Variants in SPSB4 observed in about 807,000 individuals in gnomAD.
The protein encoded by SPSB4 is SPRY domain-containing SOCS box protein 4.
In SPSB4, 21 loss-of-function variants were observed where a neutral mutation model predicts 20.9. That is an observed-to-expected ratio of 1.01 (90% CI 0.71 to 1.45). The LOEUF (loss-of-function observed/expected upper bound fraction) is 1.45. Among genes scored for constraint, SPSB4 ranks in the 40% most tolerant of loss-of-function variants. The probability of loss-of-function intolerance (pLI) is 0.00; values close to 1 mark genes in which losing one functional copy is unlikely to be tolerated. For missense variants in SPSB4, 399 were observed against 399.2 expected (o/e 1.00, Z 0.00); for synonymous variants, 207 against 183.8 (o/e 1.13, Z -1.02).
At chr3:141,089,184 G>GGT (rs1250731273) in intron 2 of SPSB4, among the ~76,000 whole-genome samples, 2 of 152,194 alleles carry the variant, frequency 1.3e-5, no homozygotes, top group Non-Finnish European at 2.9e-5. Context: ...TTAAGGAAGG[G>GGT]GTGTGTGTGA....
chr3:141,145,778 C>T (rs1463527728), intron 2 of SPSB4, among the ~76,000 whole-genome samples: 1 of 152,174 alleles, frequency 6.6e-6, no homozygotes, highest in African/African-American at 2.4e-5. Flanking sequence ...TTCCTTCCAG[C>T]TGATGCTAAC....
Position 141,112,462 on chromosome 3 carries a change from G to A in SPSB4, c.695-34680G>A, listed in dbSNP as rs373065236. On this transcript the variant is annotated intron_variant, in intron 2 of 2. Transcript: ENST00000310546. ...AGATCGAGACCATCCCGGCTAAAAC[G>A]GTGAAACCCCGTCTCTACTAAAAAT... is the stretch of plus-strand genomic sequence containing the variant. 1.1e-4 allele frequency among the ~76,000 whole-genome samples: 17 copies of A among 151,098 alleles called. No individual in the cohort carries two copies. The East Asian group carries it at 2.7e-3, about 24-fold the overall frequency.
At chr3:141,139,236 C>T (rs1277753431) in intron 2 of SPSB4, among the ~76,000 whole-genome samples, 19 of 152,154 alleles carry the variant, frequency 1.2e-4, no homozygotes, top group East Asian at 1.9e-4. Context: ...TGTCTCTGCA[C>T]GTGAGATGGG....
At chr3:141,064,177 G>T (rs1262881398) in intron 1 of SPSB4, among the ~76,000 whole-genome samples, 2 of 152,374 alleles carry the variant, frequency 1.3e-5, no homozygotes, top group Non-Finnish European at 1.5e-5. Flanking sequence ...GCCACCACAG[G>T]TGTCTTCTCT....
At chr3:141,098,222 C>T (rs546239346) in intron 2 of SPSB4, among the ~76,000 whole-genome samples, 1 of 152,226 alleles carries the variant, frequency 6.6e-6, no homozygotes, top group Non-Finnish European at 1.5e-5. Context: ...GGACCACTCC[C>T]ACCTTACTCC....
intron 2 of SPSB4, among the ~76,000 whole-genome samples, chr3:141,095,005 A>G (rs1365548713): frequency 1.3e-5 from 2 of 151,950 alleles, no homozygotes; most frequent in Admixed American, 1.3e-4. Context: ...CTCAGAGACC[A>G]CTAGGGATGC....
At chr3:141,116,585 T>G (rs1345845435) in intron 2 of SPSB4, among the ~76,000 whole-genome samples, 2 of 152,228 alleles carry the variant, frequency 1.3e-5, no homozygotes, top group Non-Finnish European at 2.9e-5. Flanking sequence ...CACTTAACTG[T>G]GACCTTGAGC....
intron 2 of SPSB4, among the ~76,000 whole-genome samples, chr3:141,080,095 C>T (rs554633842): frequency 2.6e-5 from 4 of 152,266 alleles, no homozygotes; most frequent in South Asian, 2.1e-4. Flanking sequence ...CAGGTCTCCC[C>T]GCTGCTAAAA....
chr3:141,146,946 G>A (rs969534733), intron 2 of SPSB4, among the ~76,000 whole-genome samples, 196 bp from the exon 3 acceptor site: 3 of 152,028 alleles, frequency 2.0e-5, no homozygotes, highest in Non-Finnish European at 2.9e-5. Flanking sequence ...AGTCTCACTG[G>A]TTGCATTCCA....
intron 2 of SPSB4, among the ~76,000 whole-genome samples, chr3:141,140,460 T>A (rs1228153799): frequency 2.0e-5 from 3 of 152,166 alleles, no homozygotes; most frequent in Non-Finnish European, 2.9e-5. Context: ...ATCTTTGTGG[T>A]TTTATCTATG....
At chr3:141,146,824 A>G (rs1208686534) in intron 2 of SPSB4, among the ~76,000 whole-genome samples, 1 of 151,640 alleles carries the variant, frequency 6.6e-6, no homozygotes, top group Non-Finnish European at 1.5e-5. Flanking sequence ...ACCAGAGACA[A>G]GGCTTTCATG....
intron 2 of SPSB4, chr3:141,132,239 C>G: frequency 2.4e-6 from 1 of 422,346 alleles, no homozygotes; most frequent in Non-Finnish European, 4.7e-6. Context: ...ACGATCTCGG[C>G]TCACTGCAAC....
At chr3:141,109,927 C>A (rs779548095) in intron 2 of SPSB4, among the ~76,000 whole-genome samples, 1 of 152,196 alleles carries the variant, frequency 6.6e-6, no homozygotes, top group Non-Finnish European at 1.5e-5. Flanking sequence ...TGGGTCTTAA[C>A]TCACGTCCTG....
chr3:141,090,756 T>A (rs1265824994), intron 2 of SPSB4, among the ~76,000 whole-genome samples: 1 of 152,150 alleles, frequency 6.6e-6, no homozygotes, highest in Admixed American at 6.5e-5. Flanking sequence ...GTGGCATGAT[T>A]TGCCTAGGTT....
intron 2 of SPSB4, among the ~76,000 whole-genome samples, chr3:141,133,280 A>G (rs1283194443): frequency 6.6e-6 from 1 of 152,146 alleles, no homozygotes; most frequent in Non-Finnish European, 1.5e-5. Context: ...TTTGCTGAGC[A>G]GAAACTTTTT....
intron 2 of SPSB4, among the ~76,000 whole-genome samples, chr3:141,094,101 C>T (rs143472679): frequency 1.2e-3 from 184 of 152,294 alleles, no homozygotes; most frequent in African/African-American, 4.1e-3. Context: ...CTACAGCAAG[C>T]GGTTTGCAGC....
intron 2 of SPSB4, among the ~76,000 whole-genome samples, chr3:141,094,765 C>T (rs1172252934): frequency 1.4e-5 from 2 of 139,012 alleles, no homozygotes; most frequent in East Asian, 2.2e-4. Context: ...GTGCCCTGCC[C>T]GCCCCCCGCC....
chr3:141,143,620 T>A (rs539267704), intron 2 of SPSB4, among the ~76,000 whole-genome samples: 6 of 152,316 alleles, frequency 3.9e-5, no homozygotes, highest in South Asian at 4.1e-4. Context: ...GATTGTAATA[T>A]GGACAGACTT....
intron 2 of SPSB4, among the ~76,000 whole-genome samples, chr3:141,128,567 C>T (rs916998232): frequency 3.3e-5 from 5 of 152,086 alleles, no homozygotes; most frequent in Admixed American, 3.3e-4. Flanking sequence ...GAGCACGCAG[C>T]CCCCAGAGAA....
Sources: allele counts gnomAD v4.1 joint callset (sites outside exome capture counted in the v4.1 genomes callset), GRCh38; gene constraint gnomAD v4.1.1; transcripts MANE v1.5; gene names NCBI Gene and HGNC (gene_info 2026-07-23, HGNC 2026-07-21).